Variants in POLK observed in about 807,000 individuals in gnomAD.
The protein encoded by POLK is polymerase (DNA directed) kappa.
Under a neutral mutation model 94.0 loss-of-function variants are expected in POLK, and 76 were observed. The observed-to-expected ratio is 0.81, with a 90% CI of 0.67 to 0.98. The LOEUF is 0.98. Among genes scored for constraint, POLK ranks in the 50% least tolerant of loss-of-function variants. The pLI is 0.00. For synonymous variants in POLK, 349 were observed against 325.4 expected, an observed-to-expected ratio of 1.07 and a Z score of -0.78; for missense variants, 954 against 1,010.1, an observed-to-expected ratio of 0.94 and a Z score of 0.75.
chr5:75,535,835 G>C (rs937786463), intron 1 of POLK, among the ~76,000 whole-genome samples: 5 of 152,056 alleles, frequency 3.3e-5, no homozygotes, highest in Non-Finnish European at 7.4e-5. Flanking sequence ...TGGCCATTTG[G>C]TCTATTACCT....
At chr5:75,541,387 ATAT>A (rs1237251713) in intron 1 of POLK, among the ~76,000 whole-genome samples, 1 of 152,184 alleles carries the variant, frequency 6.6e-6, no homozygotes, top group Non-Finnish European at 1.5e-5. Flanking sequence ...TTATATCAGA[ATAT>A]TATTCATCCT....
chr5:75,566,896 G>C (rs138693643), intron 3 of POLK, among the ~76,000 whole-genome samples: 1 of 152,232 alleles, frequency 6.6e-6, no homozygotes, highest in East Asian at 1.9e-4. Flanking sequence ...TGGAGACTCA[G>C]ATCAGAACTT....
At chr5:75,524,575 G>C (rs1768740534) in intron 1 of POLK, among the ~76,000 whole-genome samples, 1 of 151,758 alleles carries the variant, frequency 6.6e-6, no homozygotes, top group Admixed American at 6.6e-5. Flanking sequence ...TCTACTTCCA[G>C]TATGGAGAAG....
At chr5:75,567,128 T>C (rs1318622325) in intron 3 of POLK, among the ~76,000 whole-genome samples, 1 of 152,158 alleles carries the variant, frequency 6.6e-6, no homozygotes, top group Non-Finnish European at 1.5e-5. Flanking sequence ...AAAAAGAGAA[T>C]AGCTTGCTGA....
At chr5:75,572,888 A>C (rs975833774) in intron 4 of POLK, among the ~76,000 whole-genome samples, 1 of 152,168 alleles carries the variant, frequency 6.6e-6, no homozygotes, top group African/African-American at 2.4e-5. Flanking sequence ...GATGTGGAGA[A>C]ATAGGAACAC....
upstream of POLK, chr5:75,511,377 G>A: frequency 6.5e-7 from 1 of 1,546,462 alleles, no homozygotes; most frequent in Non-Finnish European, 8.7e-7. Flanking sequence ...CCGCCGCCGC[G>A]CCTGACACCG....
upstream of POLK, among the ~76,000 whole-genome samples, chr5:75,510,889 G>A (rs1368150772): frequency 6.6e-6 from 1 of 152,092 alleles, no homozygotes; most frequent in Non-Finnish European, 1.5e-5. Flanking sequence ...TGGATCTCAG[G>A]TTTATACACC....
At chr5:75,566,384 T>C (rs1222244984) in intron 3 of POLK, among the ~76,000 whole-genome samples, 2 of 152,142 alleles carry the variant, frequency 1.3e-5, no homozygotes, top group African/African-American at 4.8e-5. Flanking sequence ...CGGTTCTGTC[T>C]CTCTGGCGTT....
chr5:75,542,249 G>A lies in POLK; in HGVS notation c.-13-4761G>A, dbSNP rs1278045096. 2.6e-5 allele frequency among the ~76,000 whole-genome samples: 4 copies of A among 152,160 alleles called. No individual in the cohort carries two copies. The East Asian group carries it at 5.8e-4, about 22-fold the overall frequency. ...ATAGTATATTAGAAATAGGAAACAA[G>A]CTCCACCTAGGAACTTACTGTAGTT... On this transcript the variant is annotated intron_variant, in intron 1 of 14. Transcript: ENST00000241436.
intron 1 of POLK, among the ~76,000 whole-genome samples, chr5:75,544,613 G>A (rs761144107): frequency 7.2e-5 from 11 of 152,144 alleles, no homozygotes; most frequent in Non-Finnish European, 1.6e-4. Context: ...CTGCACTCCA[G>A]CCTGGGTGAC....
At chr5:75,607,467 C>CAA in the POLK span, among the ~76,000 whole-genome samples, 163 of 59,828 alleles carry the variant, frequency 2.7e-3, 1 homozygote, top group Middle Eastern at 0.013. Context: ...GACCTTGTCT[C>CAA]AAAAAAAAAA....
intron 1 of POLK, among the ~76,000 whole-genome samples, chr5:75,543,010 CTTATTTATTTATTTAT>C (rs61605357): frequency 1.3e-3 from 169 of 130,448 alleles, no homozygotes; most frequent in African/African-American, 3.7e-3. Flanking sequence ...CGCGCCCAGC[CTTATTTATTTATTTAT>C]TTATTTATTT....
chr5:75,515,508 C>CCATT (rs1268593322), intron 1 of POLK, among the ~76,000 whole-genome samples: 17 of 152,180 alleles, frequency 1.1e-4, no homozygotes, highest in African/African-American at 4.1e-4. Flanking sequence ...TCTTCTTTAT[C>CCATT]CATTCATCCA....
At chr5:75,543,884 AGT>A (rs1198064035) in intron 1 of POLK, among the ~76,000 whole-genome samples, 2 of 152,112 alleles carry the variant, frequency 1.3e-5, no homozygotes, top group Non-Finnish European at 2.9e-5. Context: ...CCCAGGCTGG[AGT>A]GCAGTGGCAT....
chr5:75,539,740 T>C (rs550460905), intron 1 of POLK, among the ~76,000 whole-genome samples: 5 of 152,254 alleles, frequency 3.3e-5, no homozygotes, highest in Admixed American at 2.6e-4. Flanking sequence ...ATTATAGGCA[T>C]AAGCCACCAC....
chr5:75,568,587 G>A (rs530518663), intron 3 of POLK: 19 of 242,058 alleles, frequency 7.8e-5, no homozygotes, highest in African/African-American at 4.0e-4. Context: ...ATTCTTTAAA[G>A]ATTAAGAATC....
chr5:75,593,220 C>T (rs932912194), intron 11 of POLK, among the ~76,000 whole-genome samples: 4 of 149,954 alleles, frequency 2.7e-5, no homozygotes, highest in Non-Finnish European at 4.5e-5. Flanking sequence ...CAACCTCCAT[C>T]TCCTGGCTTC....
intron 6 of POLK, among the ~76,000 whole-genome samples, chr5:75,579,059 T>C (rs932590614): frequency 6.6e-6 from 1 of 152,176 alleles, no homozygotes; most frequent in African/African-American, 2.4e-5. Flanking sequence ...AAGTAGAAAG[T>C]AGTTCAGATT....
chr5:75,521,776 T>G (rs940608085), intron 1 of POLK, among the ~76,000 whole-genome samples: 2 of 152,320 alleles, frequency 1.3e-5, no homozygotes, highest in East Asian at 3.9e-4. Flanking sequence ...TTCTTTTTTT[T>G]TTTCTGCTAG....
Sources: allele counts gnomAD v4.1 joint callset (sites outside exome capture counted in the v4.1 genomes callset), GRCh38; gene constraint gnomAD v4.1.1; transcripts MANE v1.5; gene names NCBI Gene and HGNC (gene_info 2026-07-23, HGNC 2026-07-21).